SESN3: variants seen among roughly 807,000 people sequenced by gnomAD.
SESN3 encodes sestrin 3, also known as sestrin-3.
Under a neutral mutation model 55.3 loss-of-function variants are expected in SESN3, and 21 were observed. The ratio of observed to expected loss-of-function variants is 0.38; its 90% CI spans 0.27 to 0.55. SESN3 has a LOEUF of 0.55. Ranked by LOEUF, SESN3 falls within the 20% of genes least tolerant of loss-of-function variation. SESN3 has a pLI of 0.76. For missense variants in SESN3, 408 were observed against 604.3 expected, an observed-to-expected ratio of 0.68 and a Z score of 3.41; for synonymous variants, 181 against 203.1, an observed-to-expected ratio of 0.89 and a Z score of 0.93.
chr11:95,194,515 T>C (rs1319584926), intron 1 of SESN3, among the ~76,000 whole-genome samples: 2 of 152,112 alleles, frequency 1.3e-5, no homozygotes, highest in Non-Finnish European at 2.9e-5. Flanking sequence ...TCATGAGCTG[T>C]ACACACAATC....
chr11:95,217,651 T>TA (rs66946901), intron 1 of SESN3, among the ~76,000 whole-genome samples: 93,168 of 137,672 alleles, frequency 0.68, 31,339 homozygotes, highest in East Asian at 0.71. Flanking sequence ...AGACTCCGTT[T>TA]AAAAAAAAAA....
chr11:95,213,432 G>A (rs1040352328), intron 1 of SESN3, among the ~76,000 whole-genome samples: 1 of 152,140 alleles, frequency 6.6e-6, no homozygotes, highest in Non-Finnish European at 1.5e-5. Context: ...ATGACAATGT[G>A]GTCTTATTCT....
intron 4 of SESN3, 22 bp downstream of exon 4, chr11:95,189,757 A>G (rs1181271869): frequency 1.3e-6 from 2 of 1,556,496 alleles, no homozygotes; most frequent in Non-Finnish European, 1.7e-6. Context: ...ATTCCTTTTT[A>G]TTTCAAAGAA....
At position 95,216,759 on chromosome 11, in the gene SESN3, T is replaced by TA. The variant is rs201859631; in HGVS notation, c.78+14023dup. 8.4e-3 allele frequency among the ~76,000 whole-genome samples: 1,186 copies of TA among 140,760 alleles called. 20 individuals carry two copies. Among genetic ancestry groups the TA allele is most frequent in the East Asian group, 0.072 (355 of 4,908 alleles). The allele number at this position is 140,760 out of a possible 152,430, so 92.3% of individuals were successfully genotyped here. A position where few individuals can be genotyped will look rare whatever the true frequency, so the allele number is the denominator to read the frequency against. ...GCAATAATTAGTAAAGGAGGCAAGA[T>TA]AAAAAAAAAAAACCACACAGATGTC... On this transcript the variant is annotated intron_variant, in intron 1 of 9. Coordinates refer to ENST00000536441, the MANE Select transcript of SESN3 (RefSeq NM_144665.4).
At chr11:95,213,513 G>C (rs1009622037) in intron 1 of SESN3, among the ~76,000 whole-genome samples, 1 of 152,150 alleles carries the variant, frequency 6.6e-6, no homozygotes, top group Non-Finnish European at 1.5e-5. Context: ...TAGAATCAAA[G>C]GGCTCTGCCT....
chr11:95,176,524 T>C (rs1363490666), intron 8 of SESN3, among the ~76,000 whole-genome samples: 1 of 152,152 alleles, frequency 6.6e-6, no homozygotes, highest in Non-Finnish European at 1.5e-5. Flanking sequence ...TGTGCATAAG[T>C]GTATAGGAAC....
At chr11:95,186,218 GT>G (rs1860162593) in intron 4 of SESN3, among the ~76,000 whole-genome samples, 1 of 150,142 alleles carries the variant, frequency 6.7e-6, no homozygotes, top group Non-Finnish European at 1.5e-5. Context: ...GTGTGTGTGT[GT>G]GTGTGTGTGT....
At chr11:95,188,595 A>G (rs1034304537) in intron 4 of SESN3, among the ~76,000 whole-genome samples, 2 of 151,880 alleles carry the variant, frequency 1.3e-5, no homozygotes, top group Non-Finnish European at 2.9e-5. Flanking sequence ...CTTCCAATAT[A>G]CCATAATATT....
At chr11:95,202,401 T>C (rs1860475271) in intron 1 of SESN3, among the ~76,000 whole-genome samples, 1 of 152,040 alleles carries the variant, frequency 6.6e-6, no homozygotes, top group African/African-American at 2.4e-5. Context: ...TAAACCAATA[T>C]ATAAAACACA....
Position 95,191,431 on chromosome 11 carries a change from T to C in SESN3, c.315A>G (p.Leu105=), listed in dbSNP as rs981055542. The C allele has an allele frequency of 1.2e-6, 2 of 1,612,676 alleles. No homozygotes were observed. Among genetic ancestry groups the C allele is most frequent in the African/African-American group, 2.7e-5 (2 of 74,924 alleles). Residue 105 remains leucine, a synonymous_variant, in exon 3 of 10, where the codon CTA becomes CTG. Coordinates refer to ENST00000536441, the MANE Select transcript of SESN3 (RefSeq NM_144665.4). ...YMLRMDGPLP[L]PYRHYIAIMA... ...TTATTGCAATATAGTGCCTGTATGG[T>C]AGAGGAAGGGGACCATCCATGCGCA...
intron 5 of SESN3, 31 bp downstream of exon 5, chr11:95,185,225 A>G (rs1371032183): frequency 2.2e-6 from 3 of 1,342,744 alleles, no homozygotes; most frequent in Admixed American, 1.7e-5. Flanking sequence ...TAAAGCAAAA[A>G]TAGTAAAGAA....
chr11:95,207,765 CAGA>C (rs1236010822), intron 1 of SESN3, among the ~76,000 whole-genome samples: 3 of 150,700 alleles, frequency 2.0e-5, no homozygotes, highest in East Asian at 1.9e-4. Flanking sequence ...AATTTAATAG[CAGA>C]AGAACTGTAA....
chr11:95,212,424 A>G (rs538608040), intron 1 of SESN3, among the ~76,000 whole-genome samples: 1 of 152,206 alleles, frequency 6.6e-6, no homozygotes, highest in South Asian at 2.1e-4. Context: ...ATACATATTA[A>G]TTAAATAATT....
Position 95,222,178 on chromosome 11 carries a change from C to A in SESN3, c.78+8605G>T, listed in dbSNP as rs1434677499. ...GCATGTGTCCATTTAAAAGCAATGGCCACTTTACATTTCTGAGAAAGGCCA... is the reference window on the plus strand; with the variant it reads ...GCATGTGTCCATTTAAAAGCAATGGACACTTTACATTTCTGAGAAAGGCCA... On this transcript the variant is annotated intron_variant, in intron 1 of 9. Coordinates refer to ENST00000536441, the MANE Select transcript of SESN3 (RefSeq NM_144665.4). Among the ~76,000 whole-genome samples the A allele has an allele frequency of 2.0e-5, 3 of 152,050 alleles. No individual in the cohort carries two copies. The South Asian group carries it at 6.2e-4, about 32-fold the overall frequency.
At chr11:95,216,467 G>A (rs779621322) in intron 1 of SESN3, among the ~76,000 whole-genome samples, 3 of 152,162 alleles carry the variant, frequency 2.0e-5, no homozygotes, top group Non-Finnish European at 4.4e-5. Context: ...GTCACAATGA[G>A]TTCAAATTTT....
chr11:95,186,045 C>T (rs930970056), intron 4 of SESN3, among the ~76,000 whole-genome samples: 2 of 151,938 alleles, frequency 1.3e-5, no homozygotes, highest in African/African-American at 4.8e-5. Context: ...TTTCACTTGA[C>T]CCTCCAGCTG....
intron 2 of SESN3, among the ~76,000 whole-genome samples, 154 bp downstream of exon 2, chr11:95,193,303 C>T (rs917564406): frequency 6.6e-6 from 1 of 152,132 alleles, no homozygotes; most frequent in African/African-American, 2.4e-5. Flanking sequence ...ATTTGTGAAG[C>T]TGAAAAGAAA....
chr11:95,193,336 T>C, intron 2 of SESN3, 121 bp downstream of exon 2: 2 of 647,816 alleles, frequency 3.1e-6, no homozygotes, highest in Non-Finnish European at 5.5e-6. Flanking sequence ...TTTTCTGACA[T>C]GTGAACAAGA....
At chr11:95,204,572 A>G (rs1437369217) in intron 1 of SESN3, among the ~76,000 whole-genome samples, 1 of 152,084 alleles carries the variant, frequency 6.6e-6, no homozygotes, top group Admixed American at 6.5e-5. Flanking sequence ...AGGTCATAAG[A>G]GTAGAATCTT....
Sources: allele counts gnomAD v4.1 joint callset (sites outside exome capture counted in the v4.1 genomes callset), GRCh38; gene constraint gnomAD v4.1.1; transcripts MANE v1.5; gene names NCBI Gene and HGNC (gene_info 2026-07-23, HGNC 2026-07-21).